Variants in ARID1A observed in about 807,000 individuals in gnomAD.
The protein encoded by ARID1A is AT-rich interactive domain-containing protein 1A.
Under a neutral mutation model 212.6 loss-of-function variants are expected in ARID1A, and 20 were observed. That is an observed-to-expected ratio of 0.09 (90% CI 0.07 to 0.14). ARID1A has a LOEUF of 0.14. Ranked by LOEUF, ARID1A falls within the 10% of genes least tolerant of loss-of-function variation. The pLI is 1.00. For missense variants in ARID1A, 2,587 were observed against 3,059.0 expected (o/e 0.85, Z 3.64); for synonymous variants, 1,376 against 1,222.1 (o/e 1.13, Z -2.63).
intron 4 of ARID1A, among the ~76,000 whole-genome samples, chr1:26,759,527 A>C (rs763150281): frequency 1.3e-5 from 2 of 152,028 alleles, no homozygotes; most frequent in Non-Finnish European, 2.9e-5. Context: ...TCTTTAAGAG[A>C]ACTCTTTATT....
chr1:26,726,078 C>CCA (rs1378829908), intron 1 of ARID1A, among the ~76,000 whole-genome samples: 3 of 151,838 alleles, frequency 2.0e-5, no homozygotes, highest in Non-Finnish European at 2.9e-5. Flanking sequence ...TGGTCTGGAA[C>CCA]TCCTGACCTC....
chr1:26,699,299 C>T (rs1459294208), intron 1 of ARID1A, among the ~76,000 whole-genome samples: 1 of 152,146 alleles, frequency 6.6e-6, no homozygotes, highest in Non-Finnish European at 1.5e-5. Flanking sequence ...TGCTTTTCTT[C>T]CATCTTCATC....
At position 26,766,521 on chromosome 1, in the gene ARID1A, GAAC is replaced by G; in HGVS notation, c.2949_2951del (p.Asn983del). On this transcript the variant is annotated inframe_deletion, in exon 10 of 20. Coordinates refer to ENST00000324856, the MANE Select transcript of ARID1A (RefSeq NM_006015.6). Reference sequence around the variant, plus strand: ...TAAAGTTAACTCCAGCCACCAAAATGAACAACAAGGCAGATGGGACACCCAAGA... The same window carrying G: ...TAAAGTTAACTCCAGCCACCAAAATGAACAAGGCAGATGGGACACCCAAGA... 1 of 1,613,864 alleles carries G rather than the reference GAAC, an allele frequency of 6.2e-7. No homozygotes were observed.
intron 1 of ARID1A, among the ~76,000 whole-genome samples, chr1:26,724,700 G>A (rs2080600098): frequency 6.6e-6 from 1 of 152,158 alleles, no homozygotes; most frequent in Non-Finnish European, 1.5e-5. Context: ...TTTCCTTGAT[G>A]CAATAAGAAG....
At chr1:26,739,533 C>T (rs1178912986) in intron 4 of ARID1A, among the ~76,000 whole-genome samples, 1 of 152,132 alleles carries the variant, frequency 6.6e-6, no homozygotes, top group Non-Finnish European at 1.5e-5. Context: ...GACTAGGAAG[C>T]CACAGCGGTA....
At chr1:26,697,685 T>C (rs900598385) in intron 1 of ARID1A, 145 bp downstream of exon 1, 251 of 848,346 alleles carry the variant, frequency 3.0e-4, no homozygotes, top group Non-Finnish European at 3.1e-4. Context: ...TCTTCTCTCT[T>C]AAAATGGCTG....
intron 4 of ARID1A, among the ~76,000 whole-genome samples, chr1:26,753,768 C>T (rs1485682292): frequency 1.3e-5 from 2 of 152,156 alleles, no homozygotes; most frequent in Non-Finnish European, 2.9e-5. Flanking sequence ...CCAGAAGATG[C>T]CTGTTAGGTG....
At position 26,755,775 on chromosome 1, in the gene ARID1A, G is replaced by A. The variant is rs552603633; in HGVS notation, c.1921-5081G>A. Among the ~76,000 whole-genome samples, 12 of 150,992 alleles carry A rather than the reference G, an allele frequency of 7.9e-5. No individual in the cohort carries two copies. In the South Asian group the frequency reaches 1.9e-3, roughly 24 times the overall value. On this transcript the variant is annotated intron_variant, in intron 4 of 19. Coordinates refer to ENST00000324856, the MANE Select transcript of ARID1A (RefSeq NM_006015.6). ...TTTTTTTTTTTTGAGATGGAGTCTC[G>A]CTCTGTTGCCCAGGCTGGAGTGCAG...
chr1:26,752,723 G>A (rs2080895623), intron 4 of ARID1A, among the ~76,000 whole-genome samples: 1 of 152,144 alleles, frequency 6.6e-6, no homozygotes, highest in Admixed American at 6.5e-5. Flanking sequence ...GGCGGGGCGG[G>A]GATAAGGGAC....
chr1:26,773,337 TA>T lies in ARID1A; in HGVS notation c.3716-8del. ...CCAGTTTGTTCACCGCTTGCCTTTCTACGCTCAGCTCCAGGGAGTGATCCCT... is the reference window on the plus strand; with the variant it reads ...CCAGTTTGTTCACCGCTTGCCTTTCTCGCTCAGCTCCAGGGAGTGATCCCT... On this transcript the variant is annotated splice_region_variant and splice_polypyrimidine_tract_variant and intron_variant, in intron 14 of 19. Transcript: ENST00000324856. The T allele has an allele frequency of 6.4e-7, 1 of 1,561,080 alleles. No individual in the cohort carries two copies. Among genetic ancestry groups the T allele is most frequent in the South Asian group, 1.2e-5 (1 of 82,512 alleles).
chr1:26,726,325 C>T (rs1012547934), intron 1 of ARID1A, among the ~76,000 whole-genome samples: 2 of 151,830 alleles, frequency 1.3e-5, no homozygotes, highest in Non-Finnish European at 1.5e-5. Context: ...AGGCATGTGC[C>T]GCCACACCCA....
In ARID1A at chr1:26,780,040, T is replaced by G. The variant is rs775253005; in HGVS notation, c.6142T>G (p.Trp2048Gly). The change falls in exon 20 of 20, where the codon TGG becomes GGG. Residue 2048 changes from tryptophan to glycine, a missense_variant. Around this residue, in one of 11 missense-constraint regions of ARID1A, gnomAD observed 168 missense variants for 321.0 expected, o/e 0.52. Transcript: ENST00000324856. The surrounding 1 kb of genome is among the most constrained non-coding windows in gnomAD (Gnocchi z 7.2). ...AGGGGTGAGCTGCAACAAAGTGGAGTGGTGGTGGGACTGCTTGGAGATGCT... is the reference window on the plus strand; with the variant it reads ...AGGGGTGAGCTGCAACAAAGTGGAGGGGTGGTGGGACTGCTTGGAGATGCT... The part of the protein sequence containing the change: ...DQGVSCNKVE[W>G]WWDCLEMLRE... The G allele has an allele frequency of 6.2e-7, 1 of 1,613,530 alleles. No homozygotes were observed. The highest frequency in any genetic ancestry group is 1.1e-5 in the South Asian group (1 of 91,028).
At position 26,763,445 on chromosome 1, in the gene ARID1A, G is replaced by A. The variant is rs140476492; in HGVS notation, c.2732+160G>A. On this transcript the variant is annotated intron_variant, in intron 8 of 19. Transcript: ENST00000324856. ...ACCTTAGATGGGTCTGAAATTTCACGTGACTAAACATCATATGTAATGAGC... is the reference window on the plus strand; with the variant it reads ...ACCTTAGATGGGTCTGAAATTTCACATGACTAAACATCATATGTAATGAGC... 4.3e-3 allele frequency among the ~76,000 whole-genome samples: 658 copies of A among 152,298 alleles called. 4 individuals carry two copies. The highest frequency in any genetic ancestry group is 6.6e-3 in the Non-Finnish European group (449 of 68,020).
In ARID1A at chr1:26,773,391, G is replaced by A. The variant is rs2124110570; in HGVS notation, c.3761G>A (p.Gly1254Asp). 6.2e-7 allele frequency: 1 copy of A among 1,612,426 alleles called. No individual in the cohort carries two copies. Among genetic ancestry groups the A allele is most frequent in the Non-Finnish European group, 8.5e-7 (1 of 1,179,062 alleles). Reference sequence around the variant, plus strand: ...ATGTCCTCAGGGCAGGGCCCCAACGGCGGGATGGGTGACCCCTACAGTCGT... The same window carrying A: ...ATGTCCTCAGGGCAGGGCCCCAACGACGGGATGGGTGACCCCTACAGTCGT... ...PFMSSGQGPN[G>D]GMGDPYSRAA... The change falls in exon 15 of 20, where the codon GGC (glycine) becomes GAC (aspartate). Residue 1254 changes from glycine to aspartate, a missense_variant. By Grantham distance (94) the Gly-to-Asp change is moderately conservative. Coordinates refer to ENST00000324856, the MANE Select transcript of ARID1A (RefSeq NM_006015.6).
chr1:26,719,283 A>T (rs2080537112), intron 1 of ARID1A, among the ~76,000 whole-genome samples: 1 of 152,250 alleles, frequency 6.6e-6, no homozygotes, highest in Non-Finnish European at 1.5e-5. Flanking sequence ...ATACTTGCCC[A>T]GGTGAACCAG....
At chr1:26,731,049 C>A in intron 2 of ARID1A, 103 bp from the exon 3 acceptor site, 1 of 1,282,610 alleles carries the variant, frequency 7.8e-7, no homozygotes, top group Non-Finnish European at 1.1e-6. Flanking sequence ...GCCTTGCATG[C>A]TTGCTTTCTA....
intron 19 of ARID1A, among the ~76,000 whole-genome samples, chr1:26,777,709 G>A (rs2081149609): frequency 6.6e-6 from 1 of 152,032 alleles, no homozygotes; most frequent in Non-Finnish European, 1.5e-5. Context: ...GAGGCAGGAG[G>A]ATCATTTGAG....
chr1:26,751,874 C>T (rs937978268), intron 4 of ARID1A, among the ~76,000 whole-genome samples: 9 of 152,202 alleles, frequency 5.9e-5, no homozygotes, highest in South Asian at 4.2e-4. Flanking sequence ...GTGTCTTCCC[C>T]GTCAGGTGGC....
chr1:26,760,737 G>T lies in ARID1A; in HGVS notation c.1921-119G>T. On this transcript the variant is annotated intron_variant, in intron 4 of 19. Transcript: ENST00000324856. ...AAAAATAGTATCATGACTAAAGAAC[G>T]TGTGTGATGTATTTGCTCTTGGTTG... The T allele has an allele frequency of 4.6e-6, 5 of 1,082,514 alleles. No homozygotes were observed. The South Asian group carries it at 7.2e-5, about 16-fold the overall frequency. 67.1% of individuals were successfully genotyped at this position (1,082,514 alleles called of 1,614,324 possible). A position where few individuals can be genotyped will look rare whatever the true frequency, so the allele number is the denominator to read the frequency against.
Sources: gnomAD v4.1 joint callset for allele counts (sites outside exome capture counted in the v4.1 genomes callset) on GRCh38, gnomAD v4.1.1 for gene constraint, gnomAD v4.1.1 regional missense constraint, Gnocchi (gnomAD v3.1) non-coding constraint, MANE v1.5 for transcripts, NCBI Gene and HGNC (gene_info 2026-07-23, HGNC 2026-07-21) for gene names.